Variants in TBX5 observed in about 807,000 individuals in gnomAD.
TBX5 encodes T-box transcription factor TBX5.
In TBX5, 8 loss-of-function variants were observed where a neutral mutation model predicts 51.1. That is an observed-to-expected ratio of 0.16 (90% confidence interval 0.09 to 0.28). The LOEUF (loss-of-function observed/expected upper bound fraction) is 0.28. TBX5 is among the 10% of genes least tolerant of loss of function. The probability of loss-of-function intolerance (pLI) is 1.00; values close to 1 mark genes in which losing one functional copy is unlikely to be tolerated. For synonymous variants in TBX5, 302 were observed against 266.4 expected (o/e 1.13, Z -1.30); for missense variants, 589 against 671.7 (o/e 0.88, Z 1.36).
chr12:114,397,702 A>G (rs1451877446), intron 5 of TBX5, among the ~76,000 whole-genome samples: 2 of 152,222 alleles, frequency 1.3e-5, no homozygotes, highest in Non-Finnish European at 2.9e-5. Flanking sequence ...GGTCCAATCC[A>G]GACTCCAAGT....
At chr12:114,398,496 G>T in intron 5 of TBX5, 77 bp downstream of exon 5, 1 of 1,561,872 alleles carries the variant, frequency 6.4e-7, no homozygotes, top group South Asian at 1.2e-5. Flanking sequence ...GAGCCAAGAA[G>T]GGAGAGAAAC....
chr12:114,369,752 G>A (rs1309683883), intron 7 of TBX5, among the ~76,000 whole-genome samples: 1 of 152,150 alleles, frequency 6.6e-6, no homozygotes, highest in African/African-American at 2.4e-5. Flanking sequence ...TAAAGTGAAA[G>A]TTGAAAAGCC....
At chr12:114,394,936 T>C in intron 5 of TBX5, 43 bp from the exon 6 acceptor site, 1 of 1,597,254 alleles carries the variant, frequency 6.3e-7, no homozygotes, top group Non-Finnish European at 8.6e-7. Flanking sequence ...AAATCAAAAC[T>C]CCCTTTGTCT....
At chr12:114,393,090 C>A (rs964543770) in intron 6 of TBX5, among the ~76,000 whole-genome samples, 1 of 152,136 alleles carries the variant, frequency 6.6e-6, no homozygotes. Context: ...GGAACAGTCC[C>A]GGCCTCAGTT....
intron 2 of TBX5, among the ~76,000 whole-genome samples, chr12:114,402,714 C>CAT (rs899481753): frequency 3.3e-5 from 5 of 151,788 alleles, no homozygotes; most frequent in Admixed American, 1.3e-4. Flanking sequence ...TATATATATA[C>CAT]ATATATATAC....
Position 114,366,185 on chromosome 12 carries a change from T to C in TBX5, c.962A>G (p.Tyr321Cys). ...CTCACCTTTCCTCTTGGTACAATGG[T>C]AAATTTGGCTATGCTCCTGGGGCAG... ...YPLPQEHSQI[Y>C]HCTKRKEEEC... Residue 321 changes from tyrosine to cysteine, a missense_variant, in exon 8 of 9, where the codon TAC (tyrosine) becomes TGC (cysteine). Physicochemically the swap from Tyr to Cys is radical, Grantham distance 194 (BLOSUM62 -2). Around this residue, in one of 7 missense-constraint regions of TBX5, gnomAD observed 348 missense variants for 360.4 expected, o/e 0.97. Coordinates refer to ENST00000405440, the MANE Select transcript of TBX5 (RefSeq NM_181486.4). 3 of 1,614,138 alleles carry C rather than the reference T, an allele frequency of 1.9e-6. No homozygotes were observed. The highest frequency in any genetic ancestry group is 2.5e-6 in the Non-Finnish European group (3 of 1,180,018).
At chr12:114,380,068 A>G (rs1870420599) in intron 7 of TBX5, among the ~76,000 whole-genome samples, 1 of 151,932 alleles carries the variant, frequency 6.6e-6, no homozygotes, top group Non-Finnish European at 1.5e-5. Flanking sequence ...ACCCTTGCCC[A>G]CTTCTTCCTT....
At chr12:114,371,566 C>T (rs1869906439) in intron 7 of TBX5, among the ~76,000 whole-genome samples, 1 of 150,756 alleles carries the variant, frequency 6.6e-6, no homozygotes. Flanking sequence ...GCAGGGGGCG[C>T]TGGCATGTTC....
rs1392668757 is a variant in TBX5 at position 114,394,839 on chromosome 12, C to A, written c.565G>T (p.Asp189Tyr). 6.2e-7 allele frequency: 1 copy of A among 1,613,980 alleles called. No homozygotes were observed. Among genetic ancestry groups the A allele is most frequent in the Non-Finnish European group, 8.5e-7 (1 of 1,180,024 alleles). The change falls in exon 6 of 9, where the codon GAT (aspartate) becomes TAT (tyrosine). Residue 189 changes from aspartate to tyrosine, a missense_variant. Asp to Tyr is a radical substitution (Grantham distance 160). Around this residue, in one of 7 missense-constraint regions of TBX5, gnomAD observed 20 missense variants for 50.9 expected, o/e 0.39. Coordinates refer to ENST00000405440, the MANE Select transcript of TBX5 (RefSeq NM_181486.4). ...YQPRLHIVKADENNGFGSKNT... is the reference protein window; with the variant it reads ...YQPRLHIVKAYENNGFGSKNT... ...TTTGAGCCAAATCCATTATTTTCATCCGCTTTCACGATGTGTAATCTAGGC... is the reference window on the plus strand; with the variant it reads ...TTTGAGCCAAATCCATTATTTTCATACGCTTTCACGATGTGTAATCTAGGC...
chr12:114,389,283 GA>G (rs754372174), intron 6 of TBX5, among the ~76,000 whole-genome samples: 4 of 151,994 alleles, frequency 2.6e-5, no homozygotes, highest in Admixed American at 6.6e-5. Context: ...AATCCTTTTG[GA>G]AAGTCATCTT....
upstream of TBX5, chr12:114,408,248 A>G: frequency 3.1e-6 from 3 of 980,964 alleles, no homozygotes; most frequent in South Asian, 4.7e-5. Flanking sequence ...GAATAAATAA[A>G]GACATAAACC....
intron 5 of TBX5, among the ~76,000 whole-genome samples, chr12:114,398,274 G>A (rs1160979329): frequency 6.6e-6 from 1 of 152,112 alleles, no homozygotes; most frequent in Non-Finnish European, 1.5e-5. Flanking sequence ...TGTCTGTGTA[G>A]GAGAGTAGTG....
At chr12:114,390,661 C>T (rs1183231463) in intron 6 of TBX5, among the ~76,000 whole-genome samples, 2 of 152,176 alleles carry the variant, frequency 1.3e-5, no homozygotes, top group African/African-American at 4.8e-5. Context: ...ACTCCTTACA[C>T]AATGATTTAA....
chr12:114,376,611 G>A (rs57361679), intron 7 of TBX5, among the ~76,000 whole-genome samples: 7,314 of 151,348 alleles, frequency 0.048, 590 homozygotes, highest in African/African-American at 0.17. Flanking sequence ...GCACAGTATT[G>A]TGTACTTAAA....
At chr12:114,396,152 G>A (rs995578385) in intron 5 of TBX5, among the ~76,000 whole-genome samples, 1 of 151,986 alleles carries the variant, frequency 6.6e-6, no homozygotes, top group Non-Finnish European at 1.5e-5. Flanking sequence ...AGCCGCGGCC[G>A]GGGGCGGGGG....
chr12:114,377,452 A>G (rs1870255563), intron 7 of TBX5, among the ~76,000 whole-genome samples: 1 of 152,144 alleles, frequency 6.6e-6, no homozygotes, highest in Non-Finnish European at 1.5e-5. Flanking sequence ...ATGCAGTGGC[A>G]TAATCACAGC....
upstream of TBX5, chr12:114,407,922 T>C: frequency 2.0e-6 from 2 of 985,476 alleles, no homozygotes; most frequent in Non-Finnish European, 1.2e-6. Flanking sequence ...GAGACCTCTT[T>C]AGGCCAGGTC....
At chr12:114,367,514 C>T (rs1332903104) in intron 7 of TBX5, among the ~76,000 whole-genome samples, 1 of 152,142 alleles carries the variant, frequency 6.6e-6, no homozygotes, top group African/African-American at 2.4e-5. Flanking sequence ...AGATTTCATA[C>T]CAGGTGTTCC....
chr12:114,366,100 C>A (rs767123996), intron 8 of TBX5, 65 bp downstream of exon 8: 2 of 1,529,540 alleles, frequency 1.3e-6, no homozygotes, highest in Admixed American at 3.3e-5. Context: ...CACCCCCTCA[C>A]CCCCAACCCA....
Sources: allele counts gnomAD v4.1 joint callset (sites outside exome capture counted in the v4.1 genomes callset), GRCh38; gene constraint gnomAD v4.1.1; regional missense constraint gnomAD v4.1.1; transcripts MANE v1.5; gene names NCBI Gene and HGNC (gene_info 2026-07-23, HGNC 2026-07-21).